The following MCMDC2 variants were observed in gnomAD, a reference collection of about 807,000 sequenced individuals.
MCMDC2 encodes the protein minichromosome maintenance domain-containing protein 2.
Under a neutral mutation model 75.8 loss-of-function variants are expected in MCMDC2, and 54 were observed. The ratio of observed to expected loss-of-function variants is 0.71; its 90% CI spans 0.57 to 0.89. The LOEUF (loss-of-function observed/expected upper bound fraction) is 0.89. Ranked by LOEUF, MCMDC2 falls within the 40% of genes least tolerant of loss-of-function variation. MCMDC2 has a pLI of 0.00. For synonymous variants in MCMDC2, 249 were observed against 274.6 expected, an observed-to-expected ratio of 0.91 and a Z score of 0.92; for missense variants, 656 against 780.4, an observed-to-expected ratio of 0.84 and a Z score of 1.90.
chr8:66,874,423 C>G lies in MCMDC2; in HGVS notation c.192C>G (p.His64Gln). ...CTGAGCTTGGAAATCACATTTTACACCAACCTTTAAAAGCTGCTGAAGTCT... is the reference window on the plus strand; with the variant it reads ...CTGAGCTTGGAAATCACATTTTACAGCAACCTTTAAAAGCTGCTGAAGTCT... ...LDAELGNHIL[H>Q]QPLKAAEVFQ... The change falls in exon 3 of 15, where the codon CAC (histidine) becomes CAG (glutamine). Residue 64 changes from histidine (H) to glutamine (Q), a missense_variant. Transcript: ENST00000422365. 2 of 1,613,786 alleles carry G rather than the reference C, an allele frequency of 1.2e-6. No individual in the cohort carries two copies. Among genetic ancestry groups the G allele is most frequent in the South Asian group, 1.1e-5 (1 of 91,018 alleles).
Position 66,896,939 on chromosome 8 carries a change from A to G in MCMDC2, c.1606A>G (p.Thr536Ala), listed in dbSNP as rs768605665. 4 of 1,603,112 alleles carry G rather than the reference A, an allele frequency of 2.5e-6. No homozygotes were observed. In the East Asian group the frequency reaches 9.1e-5, roughly 37 times the overall value. The change falls in exon 12 of 15, where the codon ACA becomes GCA. Residue 536 changes from threonine to alanine, a missense_variant. By Grantham distance (58) the Thr-to-Ala change is moderately conservative. Coordinates refer to ENST00000422365, the MANE Select transcript of MCMDC2 (RefSeq NM_173518.5). Reference sequence around the variant, plus strand: ...GTTTTATGCGGCTTCTAGACAGTTCACAACTGAAGATTTTGAAAAGGTAAA... The same window carrying G: ...GTTTTATGCGGCTTCTAGACAGTTCGCAACTGAAGATTTTGAAAAGGTAAA... ...GLFYAASRQF[T>A]TEDFEKLLAF...
At chr8:66,884,416 G>A (rs71515040) in intron 9 of MCMDC2, 12,123 of 170,934 alleles carry the variant, frequency 0.071, 522 homozygotes, top group Middle Eastern at 0.13. Flanking sequence ...CTATCTGGGG[G>A]GAACATCATC....
At chr8:66,917,349 A>G (rs1221821820) in intron 14 of MCMDC2, among the ~76,000 whole-genome samples, 1 of 152,218 alleles carries the variant, frequency 6.6e-6, no homozygotes, top group East Asian at 1.9e-4. Flanking sequence ...TACTTGTTCA[A>G]TGAATTAATG....
intron 4 of MCMDC2, among the ~76,000 whole-genome samples, chr8:66,876,811 A>G (rs897977333): frequency 6.6e-6 from 1 of 151,964 alleles, no homozygotes; most frequent in Non-Finnish European, 1.5e-5. Context: ...CCCAGGCTGG[A>G]GTGCAGTGGC....
chr8:66,920,668 C>G lies in MCMDC2; in HGVS notation c.*1499C>G, dbSNP rs1015877289. Reference sequence around the variant, plus strand: ...ATTCCTATTTTATAAAACTAGGATCCTTTTACAATTGGAAAGTTTAAAAAC... The same window carrying G: ...ATTCCTATTTTATAAAACTAGGATCGTTTTACAATTGGAAAGTTTAAAAAC... On this transcript the variant is annotated 3_prime_UTR_variant, in exon 15 of 15. Transcript: ENST00000422365. 1 of 152,084 alleles carries G rather than the reference C, an allele frequency of 6.6e-6. No homozygotes were observed. The highest frequency in any genetic ancestry group is 2.4e-5 in the African/African-American group (1 of 41,378). 9.4% of individuals were successfully genotyped at this position (152,084 alleles called of 1,614,324 possible). A position where few individuals can be genotyped will look rare whatever the true frequency, so the allele number is the denominator to read the frequency against.
intron 12 of MCMDC2, among the ~76,000 whole-genome samples, chr8:66,899,080 G>A (rs896203478): frequency 4.6e-5 from 7 of 152,226 alleles, no homozygotes; most frequent in African/African-American, 1.4e-4. Flanking sequence ...AGATAAATCT[G>A]TCTATTACAC....
At chr8:66,879,450 A>C (rs1457662639) in intron 7 of MCMDC2, among the ~76,000 whole-genome samples, 1 of 151,754 alleles carries the variant, frequency 6.6e-6, no homozygotes, top group African/African-American at 2.4e-5. Context: ...AAAATTAGCC[A>C]GGTGTGGTGA....
At chr8:66,885,017 C>T (rs529114672) in intron 9 of MCMDC2, among the ~76,000 whole-genome samples, 43 of 152,276 alleles carry the variant, frequency 2.8e-4, no homozygotes, top group African/African-American at 8.9e-4. Flanking sequence ...GCGATCCTCT[C>T]ACCTCATTAT....
At chr8:66,876,507 C>T (rs1811289059) in intron 4 of MCMDC2, among the ~76,000 whole-genome samples, 1 of 152,066 alleles carries the variant, frequency 6.6e-6, no homozygotes, top group Admixed American at 6.5e-5. Flanking sequence ...CCTTTTGTCA[C>T]TGGGGGTCCC....
downstream of MCMDC2, among the ~76,000 whole-genome samples, chr8:66,923,451 G>A (rs1165078391): frequency 1.3e-5 from 2 of 152,104 alleles, no homozygotes; most frequent in African/African-American, 4.8e-5. Flanking sequence ...GTGCTGAAAT[G>A]CTGAAAATGT....
At chr8:66,889,372 G>C (rs879699580) in intron 9 of MCMDC2, among the ~76,000 whole-genome samples, 17 of 152,172 alleles carry the variant, frequency 1.1e-4, no homozygotes, top group Non-Finnish European at 1.9e-4. Flanking sequence ...CCTCATGCCT[G>C]TAGTTCCAGC....
chr8:66,922,722 G>C (rs1323898746), downstream of MCMDC2: 1 of 258,898 alleles, frequency 3.9e-6, no homozygotes, highest in Non-Finnish European at 7.8e-6. Flanking sequence ...AGGCTTTCTT[G>C]CACCTGGAAA....
In MCMDC2 at chr8:66,884,884, CTCCA is replaced by C. The variant is rs972198964; in HGVS notation, c.1073+891_1073+894del. Among the ~76,000 whole-genome samples the C allele has an allele frequency of 3.0e-3, 457 of 152,212 alleles. 3 individuals are homozygous for C. Among genetic ancestry groups the C allele is most frequent in the African/African-American group, 0.011 (439 of 41,542 alleles). On this transcript the variant is annotated intron_variant, in intron 9 of 14. Transcript: ENST00000422365. Reference sequence around the variant, plus strand: ...CTCAACCTCCTGGGCTCAAGTGATCCTCCAGCCTCAGCCTCCTGAGTAGCTGTGA... The same window carrying C: ...CTCAACCTCCTGGGCTCAAGTGATCCGCCTCAGCCTCCTGAGTAGCTGTGA...
chr8:66,913,723 T>C lies in MCMDC2; in HGVS notation c.1880-5280T>C, dbSNP rs1813198677. Among the ~76,000 whole-genome samples, 3 of 152,042 alleles carry C rather than the reference T, an allele frequency of 2.0e-5. No homozygotes were observed. The South Asian group carries it at 6.2e-4, about 32-fold the overall frequency. Reference sequence around the variant, plus strand: ...GTTCACGCCTATAATCCCAACACTTTGGGAGGCCGGGGCAGCGGATCACTT... The same window carrying C: ...GTTCACGCCTATAATCCCAACACTTCGGGAGGCCGGGGCAGCGGATCACTT... On this transcript the variant is annotated intron_variant, in intron 14 of 14. Coordinates refer to ENST00000422365, the MANE Select transcript of MCMDC2 (RefSeq NM_173518.5).
chr8:66,907,100 G>A (rs997520255), intron 14 of MCMDC2, among the ~76,000 whole-genome samples: 3 of 151,848 alleles, frequency 2.0e-5, no homozygotes, highest in Non-Finnish European at 4.4e-5. Flanking sequence ...TCTGGGTTAA[G>A]TGTGCAGAAC....
chr8:66,875,550 A>C (rs1811242683), intron 4 of MCMDC2, among the ~76,000 whole-genome samples: 1 of 152,208 alleles, frequency 6.6e-6, no homozygotes, highest in African/African-American at 2.4e-5. Flanking sequence ...AAGTGCTGGG[A>C]TTACAGGTGT....
chr8:66,898,285 A>C (rs1372220893), intron 12 of MCMDC2, among the ~76,000 whole-genome samples: 1 of 152,108 alleles, frequency 6.6e-6, no homozygotes, highest in Non-Finnish European at 1.5e-5. Context: ...TTATATTCTC[A>C]TAGATATATA....
intron 10 of MCMDC2, among the ~76,000 whole-genome samples, chr8:66,891,473 C>T (rs1249667522): frequency 1.3e-5 from 2 of 152,134 alleles, no homozygotes; most frequent in Admixed American, 6.5e-5. Flanking sequence ...ATTCTTTATC[C>T]GTGGAAGTTC....
rs564746484 is a variant in MCMDC2 at position 66,898,941 on chromosome 8, T to C, written c.1626+1982T>C. 7.2e-5 allele frequency among the ~76,000 whole-genome samples: 11 copies of C among 152,356 alleles called. No individual in the cohort carries two copies. The South Asian group carries it at 2.3e-3, about 32-fold the overall frequency. The stretch of plus-strand genomic sequence containing the variant: ...AAATTGTATTTTGGAGTCATAGGAT[T>C]TTGGCATATTTACAATAAGTCTTGC... On this transcript the variant is annotated intron_variant, in intron 12 of 14. Transcript: ENST00000422365.
Sources: allele counts gnomAD v4.1 joint callset (sites outside exome capture counted in the v4.1 genomes callset), GRCh38; gene constraint gnomAD v4.1.1; transcripts MANE v1.5; gene names NCBI Gene and HGNC (gene_info 2026-07-23, HGNC 2026-07-21).